Variants in SLC38A6 observed in about 807,000 individuals in gnomAD.
The protein encoded by SLC38A6 is solute carrier family 38 member 6, also known as N system amino acid transporter NAT-1.
SLC38A6 carries 73 observed loss-of-function variants against 65.0 expected under a neutral mutation model. That is an observed-to-expected ratio of 1.12 (90% CI 0.93 to 1.37). SLC38A6 has a LOEUF of 1.37. Among genes scored for constraint, SLC38A6 ranks in the 40% most tolerant of loss-of-function variants. The pLI is 0.00. For synonymous variants in SLC38A6, 183 were observed against 178.8 expected (o/e 1.02, Z -0.19); for missense variants, 561 against 531.1 (o/e 1.06, Z -0.55).
At chr14:61,050,935 A>G (rs375590035) in intron 13 of SLC38A6, among the ~76,000 whole-genome samples, 9 of 152,226 alleles carry the variant, frequency 5.9e-5, no homozygotes, top group African/African-American at 1.9e-4. Flanking sequence ...TCCCCCCTTT[A>G]ATTCTGTATT....
intron 1 of SLC38A6, among the ~76,000 whole-genome samples, chr14:60,981,891 CACTCCGCTTTTTA>C (rs2037063275): frequency 6.6e-6 from 1 of 152,156 alleles, no homozygotes; most frequent in Non-Finnish European, 1.5e-5. Flanking sequence ...GTGCAGTGGG[CACTCCGCTTTTTA>C]ACTCGAGTCC....
Position 61,022,137 on chromosome 14 carries a change from C to T in SLC38A6, c.403+2557C>T, listed in dbSNP as rs369752664. On this transcript the variant is annotated intron_variant, in intron 5 of 15. Transcript: ENST00000267488. ...CATATTAATTATTTTAACGTATTAACGTATTTTATTACAGGAAAGTTCAAT... is the reference window on the plus strand; with the variant it reads ...CATATTAATTATTTTAACGTATTAATGTATTTTATTACAGGAAAGTTCAAT... Among the ~76,000 whole-genome samples the T allele has an allele frequency of 2.8e-4, 43 of 152,008 alleles. No individual in the cohort carries two copies. In the South Asian group the frequency reaches 7.5e-3, roughly 26 times the overall value.
intron 15 of SLC38A6, among the ~76,000 whole-genome samples, chr14:61,070,563 G>C (rs1367733734): frequency 6.6e-6 from 1 of 152,122 alleles, no homozygotes; most frequent in Non-Finnish European, 1.5e-5. Context: ...CAATCATTTT[G>C]TTTAAATATC....
chr14:61,077,947 T>G (rs1025139353), intron 15 of SLC38A6, among the ~76,000 whole-genome samples: 5 of 152,242 alleles, frequency 3.3e-5, no homozygotes, highest in African/African-American at 1.2e-4. Context: ...ATTCTCAAAT[T>G]ATATTTCCAG....
intron 3 of SLC38A6, among the ~76,000 whole-genome samples, chr14:61,003,362 A>G (rs1198653097): frequency 6.6e-6 from 1 of 152,100 alleles, no homozygotes; most frequent in Non-Finnish European, 1.5e-5. Flanking sequence ...TCTATCAAAA[A>G]TACCTACCAT....
At chr14:61,031,690 T>G (rs1057068274) in intron 6 of SLC38A6, among the ~76,000 whole-genome samples, 1 of 148,678 alleles carries the variant, frequency 6.7e-6, no homozygotes, top group Non-Finnish European at 1.5e-5. Context: ...TGATAAACAA[T>G]TCCTATAAGA....
At chr14:60,995,180 A>G (rs1235757697) in intron 3 of SLC38A6, among the ~76,000 whole-genome samples, 1 of 152,218 alleles carries the variant, frequency 6.6e-6, no homozygotes, top group Non-Finnish European at 1.5e-5. Context: ...CTATGCTCCC[A>G]TGTTCATTGC....
Position 60,982,493 on chromosome 14 carries a change from T to C in SLC38A6, c.106-15T>C. ...CGTCCAAACATTTAACACTACTAAA[T>C]TTGTGTGCTTACAGGAACTTCACAG... is the stretch of plus-strand genomic sequence containing the variant. On this transcript the variant is annotated splice_polypyrimidine_tract_variant and intron_variant, in intron 1 of 15. Transcript: ENST00000267488. 1 of 1,601,860 alleles carries C rather than the reference T, an allele frequency of 6.2e-7. No homozygotes were observed. The highest frequency in any genetic ancestry group is 8.5e-7 in the Non-Finnish European group (1 of 1,176,570).
At chr14:61,078,226 TG>T (rs777008859) in intron 15 of SLC38A6, among the ~76,000 whole-genome samples, 90 of 152,044 alleles carry the variant, frequency 5.9e-4, no homozygotes, top group Non-Finnish European at 1.1e-3. Flanking sequence ...CTCATAGAGG[TG>T]GGGTTCACTG....
chr14:61,015,158 C>T (rs1358565056), intron 3 of SLC38A6, among the ~76,000 whole-genome samples: 2 of 152,176 alleles, frequency 1.3e-5, no homozygotes, highest in South Asian at 2.1e-4. Context: ...AGCGAGGCTC[C>T]GTGGGCATAG....
At chr14:61,024,538 T>A (rs2040508734) in intron 5 of SLC38A6, among the ~76,000 whole-genome samples, 1 of 152,200 alleles carries the variant, frequency 6.6e-6, no homozygotes, top group Non-Finnish European at 1.5e-5. Context: ...TTAGAGAGTT[T>A]GAATTTGGCA....
At chr14:60,987,024 C>T (rs200906981) in intron 3 of SLC38A6, 2 of 386,092 alleles carry the variant, frequency 5.2e-6, no homozygotes, top group African/African-American at 2.3e-5. Context: ...TGTTTCTCTT[C>T]TTTTTTCTTT....
intron 8 of SLC38A6, 117 bp from the exon 9 acceptor site, chr14:61,043,030 G>A (rs2041903725): frequency 1.5e-6 from 1 of 646,000 alleles, no homozygotes; most frequent in East Asian, 3.2e-5. Context: ...AGTCACAGAA[G>A]CAGAGACTCT....
chr14:61,065,069 G>C (rs1203146581), intron 15 of SLC38A6, among the ~76,000 whole-genome samples: 1 of 152,120 alleles, frequency 6.6e-6, no homozygotes, highest in Non-Finnish European at 1.5e-5. Context: ...TTGATTTACT[G>C]TGTGAAGGCC....
At chr14:61,046,556 A>G (rs2042161164) in intron 12 of SLC38A6, among the ~76,000 whole-genome samples, 1 of 152,162 alleles carries the variant, frequency 6.6e-6, no homozygotes. Flanking sequence ...CAAAAGAACA[A>G]GTTGAGAAAG....
rs200698267 is a variant in SLC38A6 at position 61,051,859 on chromosome 14, C to G, written c.1123C>G (p.Leu375Val). ...ATGGATTCGCCATTTTTTGATCACT[C>G]TAGCACTCAATATTATCATCGTTTT... Reference protein sequence around the residue: ...FSWIRHFLITLALNIIIVLLA... With the variant: ...FSWIRHFLITVALNIIIVLLA... Residue 375 changes from leucine to valine, a missense_variant, in exon 14 of 16, where the codon CTA (leucine) becomes GTA (valine). By Grantham distance (32) the Leu-to-Val change is conservative. Coordinates refer to ENST00000267488, the MANE Select transcript of SLC38A6 (RefSeq NM_153811.3). The G allele has an allele frequency of 1.9e-6, 3 of 1,612,482 alleles. No homozygotes were observed. The highest frequency in any genetic ancestry group is 2.7e-5 in the African/African-American group (2 of 74,964).
At chr14:61,002,426 C>T (rs2038774632) in intron 3 of SLC38A6, among the ~76,000 whole-genome samples, 1 of 152,224 alleles carries the variant, frequency 6.6e-6, no homozygotes, top group Non-Finnish European at 1.5e-5. Flanking sequence ...GGCCAGCTTT[C>T]TGAGAGTTGA....
intron 8 of SLC38A6, 52 bp from the exon 9 acceptor site, chr14:61,043,095 T>A: frequency 8.7e-7 from 1 of 1,146,786 alleles, no homozygotes. Flanking sequence ...ATTCAGTTTC[T>A]TATTAATTTT....
chr14:61,012,308 A>G (rs2039638981), intron 3 of SLC38A6, among the ~76,000 whole-genome samples: 1 of 151,968 alleles, frequency 6.6e-6, no homozygotes, highest in Non-Finnish European at 1.5e-5. Flanking sequence ...CGGTCTATCA[A>G]TTTTGTTGAT....
Sources: allele counts gnomAD v4.1 joint callset (sites outside exome capture counted in the v4.1 genomes callset), GRCh38; gene constraint gnomAD v4.1.1; transcripts MANE v1.5; gene names NCBI Gene and HGNC (gene_info 2026-07-23, HGNC 2026-07-21).